The following CSMD1 variants were observed in gnomAD, a reference collection of about 807,000 sequenced individuals.
CSMD1 encodes the protein CUB and Sushi multiple domains 1.
Under a neutral mutation model 417.5 loss-of-function variants are expected in CSMD1, and 213 were observed. That is an observed-to-expected ratio of 0.51 (90% confidence interval 0.46 to 0.57). The LOEUF (loss-of-function observed/expected upper bound fraction) is 0.57. CSMD1 is among the 20% of genes least tolerant of loss of function. The probability of loss-of-function intolerance (pLI) is 0.00; values close to 1 mark genes in which losing one functional copy is unlikely to be tolerated. For missense variants in CSMD1, 6,923 were observed against 4,529.7 expected, an observed-to-expected ratio of 1.53 and a Z score of -15.17; for synonymous variants, 2,862 against 1,736.8, an observed-to-expected ratio of 1.65 and a Z score of -16.11.
At chr8:4,238,991 C>G (rs985473299) in intron 3 of CSMD1, among the ~76,000 whole-genome samples, 1 of 152,262 alleles carries the variant, frequency 6.6e-6, no homozygotes, top group Non-Finnish European at 1.5e-5. Context: ...TTCCTGCTTC[C>G]CATCACTATG....
intron 23 of CSMD1, among the ~76,000 whole-genome samples, chr8:3,320,637 A>G (rs1185853779): frequency 6.6e-6 from 1 of 152,158 alleles, no homozygotes. Flanking sequence ...AGCCTCAACT[A>G]GACCACCGCT....
chr8:3,532,095 C>T (rs769346385), intron 10 of CSMD1, among the ~76,000 whole-genome samples: 4 of 152,174 alleles, frequency 2.6e-5, no homozygotes, highest in South Asian at 2.1e-4. Flanking sequence ...CCCTACATTC[C>T]ACTTTGAGAT....
intron 66 of CSMD1, 95 bp from the exon 67 acceptor site, chr8:2,950,438 A>T: frequency 1.4e-6 from 1 of 727,208 alleles, no homozygotes; most frequent in Non-Finnish European, 2.5e-6. Flanking sequence ...GGAGATGATA[A>T]TATCATCGAT....
At chr8:3,930,842 T>C (rs1472785757) in intron 5 of CSMD1, among the ~76,000 whole-genome samples, 1 of 150,652 alleles carries the variant, frequency 6.6e-6, no homozygotes, top group Admixed American at 6.6e-5. Context: ...AATAAAGTAA[T>C]AGATATCTTA....
intron 5 of CSMD1, among the ~76,000 whole-genome samples, chr8:3,890,001 G>C (rs1321483074): frequency 6.6e-6 from 1 of 152,072 alleles, no homozygotes; most frequent in Non-Finnish European, 1.5e-5. Context: ...TGGGAATATA[G>C]GGAGATCCCT....
chr8:4,986,791 A>G (rs752142387), intron 1 of CSMD1, among the ~76,000 whole-genome samples: 27 of 152,072 alleles, frequency 1.8e-4, no homozygotes, highest in Non-Finnish European at 3.8e-4. Flanking sequence ...TAAAGAAGAA[A>G]TCTTCTGAAT....
Position 3,308,504 on chromosome 8 carries a change from C to T in CSMD1, c.3632-1G>A. 6.2e-7 allele frequency: 1 copy of T among 1,608,426 alleles called. No homozygotes were observed. ...TCCTCACATTTTACCAGATCAAAAC[C>T]TGCAAGAGAGAAAGGCAAGGAATGA... On this transcript the variant is annotated splice_acceptor_variant, in intron 23 of 69. Transcript: ENST00000635120. LOFTEE classifies it high-confidence loss of function.
At chr8:4,368,707 T>C (rs1201632328) in intron 3 of CSMD1, among the ~76,000 whole-genome samples, 2 of 152,128 alleles carry the variant, frequency 1.3e-5, no homozygotes, top group South Asian at 2.1e-4. Flanking sequence ...GTTGTGTATT[T>C]CTAGGAATTT....
intron 5 of CSMD1, among the ~76,000 whole-genome samples, chr8:3,859,313 C>T (rs534894961): frequency 1.3e-5 from 2 of 152,212 alleles, no homozygotes; most frequent in African/African-American, 2.4e-5. Flanking sequence ...AACCTACATT[C>T]GCTCGGCCTA....
At chr8:3,397,513 A>G (rs1811774889) in intron 16 of CSMD1, among the ~76,000 whole-genome samples, 1 of 152,184 alleles carries the variant, frequency 6.6e-6, no homozygotes, top group African/African-American at 2.4e-5. Flanking sequence ...AATTTGAACC[A>G]TTTGTATATC....
At chr8:4,892,661 G>C (rs1043193001) in intron 1 of CSMD1, among the ~76,000 whole-genome samples, 3 of 152,070 alleles carry the variant, frequency 2.0e-5, no homozygotes, top group Admixed American at 6.5e-5. Flanking sequence ...TTCTTCTTCA[G>C]ACTTATGTTT....
At chr8:4,305,719 T>C (rs568555593) in intron 3 of CSMD1, among the ~76,000 whole-genome samples, 47 of 152,336 alleles carry the variant, frequency 3.1e-4, no homozygotes, top group Admixed American at 2.9e-3. Flanking sequence ...GAATGATCTC[T>C]TGCATGTACA....
intron 12 of CSMD1, among the ~76,000 whole-genome samples, chr8:3,436,732 C>T (rs890898731): frequency 6.6e-6 from 1 of 152,110 alleles, no homozygotes; most frequent in South Asian, 2.1e-4. Flanking sequence ...GTCTTTTCAA[C>T]ACATTGGCAA....
At chr8:3,550,110 A>T (rs1005580406) in intron 10 of CSMD1, among the ~76,000 whole-genome samples, 8 of 152,216 alleles carry the variant, frequency 5.3e-5, no homozygotes, top group African/African-American at 1.9e-4. Flanking sequence ...AGCCGATAAA[A>T]AAGTGTCCCA....
At chr8:4,852,566 G>A (rs1472804660) in intron 1 of CSMD1, among the ~76,000 whole-genome samples, 1 of 152,084 alleles carries the variant, frequency 6.6e-6, no homozygotes, top group Non-Finnish European at 1.5e-5. Flanking sequence ...TTCAAAAACA[G>A]CCTAATACAG....
intron 6 of CSMD1, among the ~76,000 whole-genome samples, chr8:3,736,581 G>A (rs1030253527): frequency 2.0e-5 from 3 of 152,094 alleles, no homozygotes; most frequent in Admixed American, 6.6e-5. Flanking sequence ...CCTCACCATG[G>A]CTCCCAGGCC....
At chr8:4,438,990 T>C (rs13273325) in intron 2 of CSMD1, among the ~76,000 whole-genome samples, 34,899 of 152,148 alleles carry the variant, frequency 0.23, 5,235 homozygotes, top group Non-Finnish European at 0.34. Context: ...TCCTAGACGT[T>C]TGGGGCAAAT....
chr8:2,942,823 A>T (rs1801981352), intron 68 of CSMD1, among the ~76,000 whole-genome samples: 2 of 152,232 alleles, frequency 1.3e-5, no homozygotes, highest in South Asian at 4.1e-4. Flanking sequence ...GAATACTATG[A>T]AAGAGTCTCA....
intron 1 of CSMD1, among the ~76,000 whole-genome samples, chr8:4,878,814 A>T (rs192815153): frequency 6.6e-6 from 1 of 151,814 alleles, no homozygotes; most frequent in African/African-American, 2.4e-5. Flanking sequence ...AAGCTGAAAA[A>T]CAGTACAGAG....
Sources: allele counts gnomAD v4.1 joint callset (sites outside exome capture counted in the v4.1 genomes callset), GRCh38; gene constraint gnomAD v4.1.1; transcripts MANE v1.5; gene names NCBI Gene and HGNC (gene_info 2026-07-23, HGNC 2026-07-21).